Variants in RAB22A observed in about 807,000 individuals in gnomAD.
RAB22A encodes the protein RAB22A, member RAS oncogene family.
A neutral mutation model predicts 30.2 loss-of-function variants in RAB22A; 13 were observed. The observed-to-expected ratio is 0.43, with a 90% confidence interval of 0.28 to 0.68. RAB22A has a LOEUF of 0.68. Ranked by LOEUF, RAB22A falls within the 30% of genes least tolerant of loss-of-function variation. RAB22A has a pLI of 0.18. For synonymous variants in RAB22A, 89 were observed against 87.2 expected (o/e 1.02, Z -0.11); for missense variants, 177 against 246.8 (o/e 0.72, Z 1.89).
intron 2 of RAB22A, among the ~76,000 whole-genome samples, chr20:58,315,997 C>G (rs1466697108): frequency 6.6e-6 from 1 of 152,138 alleles, no homozygotes; most frequent in Non-Finnish European, 1.5e-5. Context: ...TTGTTGCTCA[C>G]TTCCTCCCCA....
chr20:58,355,141 G>A (rs139455617), intron 6 of RAB22A, among the ~76,000 whole-genome samples: 48 of 152,270 alleles, frequency 3.2e-4, no homozygotes, highest in East Asian at 9.7e-4. Flanking sequence ...TGGATGTAGC[G>A]TTAAGATCCA....
rs1170803981 is a variant in RAB22A at position 58,361,523 on chromosome 20, C to T, written c.*1820C>T. On this transcript the variant is annotated 3_prime_UTR_variant, in exon 7 of 7. Transcript: ENST00000244040. Reference sequence around the variant, plus strand: ...ATGCCCCTAGGATTTTGCTTCCTCCCCGGTGCTAAATTAGCAAGCTCCTAG... The same window carrying T: ...ATGCCCCTAGGATTTTGCTTCCTCCTCGGTGCTAAATTAGCAAGCTCCTAG... The T allele has an allele frequency of 6.6e-6, 1 of 152,120 alleles. No individual in the cohort carries two copies. Among genetic ancestry groups the T allele is most frequent in the African/African-American group, 2.4e-5 (1 of 41,416 alleles). The allele number at this position is 152,120 out of a possible 1,614,324, so 9.4% of individuals were successfully genotyped here. A position where few individuals can be genotyped will look rare whatever the true frequency, so the allele number is the denominator to read the frequency against.
intron 5 of RAB22A, 77 bp downstream of exon 5, chr20:58,353,615 CT>C (rs1309884947): frequency 3.8e-5 from 46 of 1,226,404 alleles, no homozygotes; most frequent in Non-Finnish European, 5.2e-5. Context: ...GTTTAAGAAT[CT>C]TGCTTTTATT....
chr20:58,317,652 G>A (rs1236006448), intron 2 of RAB22A, among the ~76,000 whole-genome samples: 132 of 145,130 alleles, frequency 9.1e-4, no homozygotes, highest in Middle Eastern at 3.9e-3. Context: ...TCCGCCTCCC[G>A]GGTTCATGCC....
At chr20:58,314,388 T>C (rs1986294888) in intron 2 of RAB22A, among the ~76,000 whole-genome samples, 4 of 152,190 alleles carry the variant, frequency 2.6e-5, no homozygotes, top group Admixed American at 2.6e-4. Context: ...TCAACCCTTT[T>C]CTGTGCTATG....
At chr20:58,336,984 C>G (rs1165802795) in intron 2 of RAB22A, among the ~76,000 whole-genome samples, 2 of 152,086 alleles carry the variant, frequency 1.3e-5, no homozygotes, top group Non-Finnish European at 2.9e-5. Context: ...TGGAATGGGA[C>G]CCCCCTGGGG....
At chr20:58,315,523 C>G (rs1986318998) in intron 2 of RAB22A, among the ~76,000 whole-genome samples, 1 of 151,248 alleles carries the variant, frequency 6.6e-6, no homozygotes. Context: ...GGGAGAATAT[C>G]TGCGCAAGTG....
At chr20:58,334,889 A>G (rs1266088451) in intron 2 of RAB22A, among the ~76,000 whole-genome samples, 1 of 152,244 alleles carries the variant, frequency 6.6e-6, no homozygotes, top group African/African-American at 2.4e-5. Flanking sequence ...CTAGAACTCC[A>G]TAAATTTCTA....
chr20:58,318,123 C>T (rs1986380047), intron 2 of RAB22A, among the ~76,000 whole-genome samples: 2 of 152,228 alleles, frequency 1.3e-5, no homozygotes. Flanking sequence ...CTGCCTTGGC[C>T]TCCCAAAGTG....
At chr20:58,317,011 C>G (rs755196948) in intron 2 of RAB22A, among the ~76,000 whole-genome samples, 71 of 152,210 alleles carry the variant, frequency 4.7e-4, no homozygotes, top group Admixed American at 1.3e-3. Flanking sequence ...CTTCATCTTC[C>G]TTCATGGAGA....
At chr20:58,340,194 A>C (rs985913892) in intron 2 of RAB22A, among the ~76,000 whole-genome samples, 1 of 152,164 alleles carries the variant, frequency 6.6e-6, no homozygotes, top group African/African-American at 2.4e-5. Flanking sequence ...CTCCTTCCAA[A>C]AAGCGATATG....
At chr20:58,331,423 A>G (rs1986658475) in intron 2 of RAB22A, among the ~76,000 whole-genome samples, 1 of 152,252 alleles carries the variant, frequency 6.6e-6, no homozygotes, top group Non-Finnish European at 1.5e-5. Context: ...GACCACAGAC[A>G]GCTGTATCCT....
At chr20:58,339,333 C>G (rs181382804) in intron 2 of RAB22A, among the ~76,000 whole-genome samples, 1 of 152,274 alleles carries the variant, frequency 6.6e-6, no homozygotes, top group Admixed American at 6.5e-5. Context: ...GGTTATCAGA[C>G]AAGTAAATGG....
In RAB22A at chr20:58,338,025, A is replaced by AT. The variant is rs529235771; in HGVS notation, c.117-5684dup. ...TTTTGCTATTTAGTTATGTTTGTTT[A>AT]TTTTTTTTTATTTTTTTTTGAGACG... On this transcript the variant is annotated intron_variant, in intron 2 of 6. Coordinates refer to ENST00000244040, the MANE Select transcript of RAB22A (RefSeq NM_020673.3). Among the ~76,000 whole-genome samples, 1,077 of 151,118 alleles carry AT rather than the reference A, an allele frequency of 7.1e-3. 11 individuals carry two copies. Among genetic ancestry groups the AT allele is most frequent in the African/African-American group, 0.022 (900 of 41,142 alleles).
intron 6 of RAB22A, among the ~76,000 whole-genome samples, chr20:58,355,663 A>G (rs1047884486): frequency 6.6e-6 from 1 of 152,152 alleles, no homozygotes; most frequent in Non-Finnish European, 1.5e-5. Flanking sequence ...CTAAAAAAAT[A>G]TAAAAATCAA....
chr20:58,345,853 A>G (rs1986936322), intron 3 of RAB22A: 1 of 152,490 alleles, frequency 6.6e-6, no homozygotes, highest in Non-Finnish European at 1.5e-5. Flanking sequence ...CCTCTAGTAC[A>G]AACTGCGTGC....
chr20:58,338,648 A>G (rs1320383675), intron 2 of RAB22A, among the ~76,000 whole-genome samples: 1 of 152,214 alleles, frequency 6.6e-6, no homozygotes, highest in Non-Finnish European at 1.5e-5. Context: ...AGCCACTCTA[A>G]CATAAGCCAA....
At chr20:58,347,618 C>T (rs1486071669) in intron 3 of RAB22A, among the ~76,000 whole-genome samples, 2 of 152,152 alleles carry the variant, frequency 1.3e-5, no homozygotes, top group Non-Finnish European at 2.9e-5. Context: ...AGTGTTCATC[C>T]AGAAAATTAG....
At chr20:58,358,364 G>C (rs1323031571) in intron 6 of RAB22A, among the ~76,000 whole-genome samples, 1 of 152,192 alleles carries the variant, frequency 6.6e-6, no homozygotes, top group Non-Finnish European at 1.5e-5. Context: ...ATTTGTGCTA[G>C]ATAGACACTG....
Sources: gnomAD v4.1 joint callset for allele counts (sites outside exome capture counted in the v4.1 genomes callset) on GRCh38, gnomAD v4.1.1 for gene constraint, MANE v1.5 for transcripts, NCBI Gene and HGNC (gene_info 2026-07-23, HGNC 2026-07-21) for gene names.